Variants in SFXN5 observed in about 807,000 individuals in gnomAD.
SFXN5 encodes sideroflexin-5.
SFXN5 carries 43 observed loss-of-function variants against 50.2 expected under a neutral mutation model. The ratio of observed to expected loss-of-function variants is 0.86; its 90% confidence interval spans 0.67 to 1.11. The LOEUF is 1.11. SFXN5 is among the 50% of genes least tolerant of loss of function. SFXN5 has a pLI of 0.00. For synonymous variants in SFXN5, 203 were observed against 185.8 expected, an observed-to-expected ratio of 1.09 and a Z score of -0.75; for missense variants, 463 against 454.1, an observed-to-expected ratio of 1.02 and a Z score of -0.18.
chr2:73,046,634 T>G (rs770220057), intron 2 of SFXN5, among the ~76,000 whole-genome samples: 1 of 152,028 alleles, frequency 6.6e-6, no homozygotes, highest in Non-Finnish European at 1.5e-5. Context: ...CCATGATCAC[T>G]GCCACTGCAC....
In SFXN5 at chr2:72,982,363, A is replaced by G. The variant is rs1447346140; in HGVS notation, c.625+5895T>C. The stretch of plus-strand genomic sequence containing the variant: ...AAACAGAGCACTCCAAAACAACTTT[A>G]AAAAGTGGAAAAGGTCCAGAATAAA... On this transcript the variant is annotated intron_variant, in intron 10 of 13. Coordinates refer to ENST00000272433, the MANE Select transcript of SFXN5 (RefSeq NM_144579.3). Among the ~76,000 whole-genome samples, 3 of 152,356 alleles carry G rather than the reference A, an allele frequency of 2.0e-5. No homozygotes were observed. The East Asian group carries it at 5.8e-4, about 29-fold the overall frequency.
rs2105294566 is a variant in SFXN5, at chr2:72,944,652, GA to G, written c.*369del. 5.4e-6 allele frequency: 1 copy of G among 183,500 alleles called. No individual in the cohort carries two copies. The highest frequency in any genetic ancestry group is 2.4e-5 in the African/African-American group (1 of 42,350). The allele number at this position is 183,500 out of a possible 1,614,324, so 11.4% of individuals were successfully genotyped here. A position where few individuals can be genotyped will look rare whatever the true frequency, so the allele number is the denominator to read the frequency against. ...TCTGGTCAGCTGAAACTAAGGCTCA[GA>G]TTTGATTCTGATAAAAAATAAAAAT... is the stretch of plus-strand genomic sequence containing the variant. On this transcript the variant is annotated 3_prime_UTR_variant, in exon 14 of 14. Coordinates refer to ENST00000272433, the MANE Select transcript of SFXN5 (RefSeq NM_144579.3).
intron 2 of SFXN5, among the ~76,000 whole-genome samples, chr2:73,056,785 T>C (rs1682193458): frequency 1.3e-5 from 2 of 152,202 alleles, no homozygotes; most frequent in Admixed American, 6.5e-5. Context: ...ATAGCAAGTG[T>C]TGGTGAGGAA....
chr2:72,980,542 T>C (rs1671167275), intron 10 of SFXN5, among the ~76,000 whole-genome samples: 1 of 152,168 alleles, frequency 6.6e-6, no homozygotes, highest in Non-Finnish European at 1.5e-5. Context: ...CTTGAGAATT[T>C]GGGGAGAGTT....
intron 3 of SFXN5, among the ~76,000 whole-genome samples, chr2:73,027,178 G>A (rs1245147292): frequency 6.6e-6 from 1 of 152,204 alleles, no homozygotes; most frequent in Non-Finnish European, 1.5e-5. Context: ...TACTGTCCCT[G>A]AAGACTTTCC....
intron 1 of SFXN5, among the ~76,000 whole-genome samples, chr2:73,061,666 G>A (rs564974271): frequency 3.3e-5 from 5 of 152,190 alleles, no homozygotes; most frequent in Admixed American, 3.3e-4. Flanking sequence ...AAAAAAGCTA[G>A]ATGAAAATAT....
At chr2:72,984,405 G>A (rs1671655079) in intron 10 of SFXN5, among the ~76,000 whole-genome samples, 1 of 152,248 alleles carries the variant, frequency 6.6e-6, no homozygotes, top group African/African-American at 2.4e-5. Context: ...GCAGAACAGG[G>A]AGGACACCGC....
At chr2:72,946,972 C>T (rs1441167514) in intron 13 of SFXN5, among the ~76,000 whole-genome samples, 1 of 152,228 alleles carries the variant, frequency 6.6e-6, no homozygotes, top group Non-Finnish European at 1.5e-5. Flanking sequence ...CCACTCCAGT[C>T]TTTGCCTGAG....
chr2:73,018,962 C>T (rs1287409594), intron 6 of SFXN5, among the ~76,000 whole-genome samples: 1 of 152,120 alleles, frequency 6.6e-6, no homozygotes, highest in Non-Finnish European at 1.5e-5. Flanking sequence ...GGGCATATAT[C>T]CACTAAAAGA....
At chr2:73,068,093 T>C (rs1188864574) in intron 1 of SFXN5, among the ~76,000 whole-genome samples, 2 of 152,180 alleles carry the variant, frequency 1.3e-5, no homozygotes, top group Non-Finnish European at 2.9e-5. Flanking sequence ...CCACCCTCTT[T>C]CTGCCCGTCC....
intron 13 of SFXN5, among the ~76,000 whole-genome samples, chr2:72,952,852 C>T (rs1672683794): frequency 6.6e-6 from 1 of 152,196 alleles, no homozygotes; most frequent in South Asian, 2.1e-4. Flanking sequence ...CACACTCAGC[C>T]CCAGCCCCAC....
At chr2:73,066,671 G>A (rs1322907441) in intron 1 of SFXN5, among the ~76,000 whole-genome samples, 1 of 152,040 alleles carries the variant, frequency 6.6e-6, no homozygotes, top group East Asian at 1.9e-4. Context: ...TGATGGTCAG[G>A]GAAATATGAA....
intron 2 of SFXN5, among the ~76,000 whole-genome samples, chr2:73,048,023 A>G (rs1366151939): frequency 6.6e-6 from 1 of 152,260 alleles, no homozygotes; most frequent in Admixed American, 6.5e-5. Flanking sequence ...AAAACATTTC[A>G]TGACATGAAA....
chr2:73,071,480 G>A (rs942197623), intron 1 of SFXN5, 124 bp downstream of exon 1: 2 of 819,858 alleles, frequency 2.4e-6, no homozygotes, highest in Middle Eastern at 3.6e-4. Flanking sequence ...TCCCCCCCTG[G>A]CGCTAGCTGC....
intron 2 of SFXN5, among the ~76,000 whole-genome samples, chr2:73,043,439 C>T (rs1574210920): frequency 2.0e-5 from 3 of 152,240 alleles, no homozygotes; most frequent in South Asian, 2.1e-4. Context: ...AGGCCACCCT[C>T]GACCCCTCAG....
chr2:72,972,174 C>A (rs1670086504), intron 10 of SFXN5, among the ~76,000 whole-genome samples: 1 of 152,228 alleles, frequency 6.6e-6, no homozygotes, highest in Non-Finnish European at 1.5e-5. Context: ...ATTTGCCTCC[C>A]TGACAGCAGG....
chr2:72,998,696 A>T (rs985242368), intron 9 of SFXN5: 6 of 531,600 alleles, frequency 1.1e-5, no homozygotes, highest in Middle Eastern at 4.9e-4. Context: ...CTCAAGACAG[A>T]TGTCCTGCCT....
intron 3 of SFXN5, among the ~76,000 whole-genome samples, chr2:73,038,853 C>A (rs906106827): frequency 1.1e-4 from 16 of 152,022 alleles, no homozygotes; most frequent in African/African-American, 3.6e-4. Context: ...AAAACTAAGA[C>A]ACAAACAAAC....
chr2:72,985,564 G>A (rs184699426), intron 10 of SFXN5, among the ~76,000 whole-genome samples: 3 of 151,562 alleles, frequency 2.0e-5, no homozygotes, highest in South Asian at 2.1e-4. Context: ...GGAAGCCTGT[G>A]GGGGGGTGGG....
Sources: gnomAD v4.1 joint callset for allele counts (sites outside exome capture counted in the v4.1 genomes callset) on GRCh38, gnomAD v4.1.1 for gene constraint, MANE v1.5 for transcripts, NCBI Gene and HGNC (gene_info 2026-07-23, HGNC 2026-07-21) for gene names.